The following SON variants were observed in gnomAD, a reference collection of about 807,000 sequenced individuals.
SON encodes the protein protein SON.
A neutral mutation model predicts 173.3 loss-of-function variants in SON; 4 were observed. The ratio of observed to expected loss-of-function variants is 0.02; its 90% CI spans 0.01 to 0.05. The LOEUF is 0.05. Among genes scored for constraint, SON ranks in the 10% least tolerant of loss-of-function variants. The pLI is 1.00. For synonymous variants in SON, 1,190 were observed against 1,105.9 expected, an observed-to-expected ratio of 1.08 and a Z score of -1.51; for missense variants, 2,626 against 3,055.3, an observed-to-expected ratio of 0.86 and a Z score of 3.31.
At position 33,550,039 on chromosome 21, in the gene SON, T is replaced by C; in HGVS notation, c.808T>C (p.Tyr270His). The change falls in exon 3 of 12, where the codon TAT (tyrosine) becomes CAT (histidine). Residue 270 changes from tyrosine to histidine, a missense_variant. Physicochemically the swap from Tyr to His is moderately conservative, Grantham distance 83. Coordinates refer to ENST00000356577, the MANE Select transcript of SON (RefSeq NM_138927.4). ...SEPVVTMSVE[Y>H]QMKSVLKSVE... ...GCCAGTTGTAACAATGTCAGTGGAGTATCAGATGAAGTCTGTGCTGAAATC... is the reference window on the plus strand; with the variant it reads ...GCCAGTTGTAACAATGTCAGTGGAGCATCAGATGAAGTCTGTGCTGAAATC... 1 of 1,614,090 alleles carries C rather than the reference T, an allele frequency of 6.2e-7. No individual in the cohort carries two copies. Among genetic ancestry groups the C allele is most frequent in the Admixed American group, 1.7e-5 (1 of 60,032 alleles).
At chr21:33,557,663 A>G in intron 4 of SON, 2 of 1,522,244 alleles carry the variant, frequency 1.3e-6, no homozygotes, top group Non-Finnish European at 1.8e-6. Context: ...GCGTTCACTG[A>G]TCGCCACGAG....
intron 6 of SON, chr21:33,560,617 T>C: frequency 1.1e-6 from 1 of 945,304 alleles, no homozygotes; most frequent in Non-Finnish European, 1.3e-6. Flanking sequence ...TATGTATCTC[T>C]GTATCTGTAC....
At chr21:33,561,040 A>C (rs1469784117) in intron 6 of SON, 3 of 152,200 alleles carry the variant, frequency 2.0e-5, no homozygotes, top group Admixed American at 2.0e-4. Context: ...TTCACAGCTG[A>C]CATTTTCACT....
chr21:33,561,215 A>C (rs1030336823), intron 6 of SON, among the ~76,000 whole-genome samples: 8 of 152,108 alleles, frequency 5.3e-5, no homozygotes, highest in African/African-American at 1.9e-4. Flanking sequence ...TAAGAGGGAG[A>C]TAGTTGGTTT....
intron 8 of SON, chr21:33,569,550 C>T (rs1601293611): frequency 2.5e-6 from 1 of 405,862 alleles, no homozygotes; most frequent in East Asian, 9.2e-5. Context: ...TATTCCTTTG[C>T]CCTCGCACCC....
chr21:33,559,187 A>C lies in SON; in HGVS notation c.6322-43A>C, dbSNP rs2086023751. On this transcript the variant is annotated intron_variant, in intron 4 of 11. Transcript: ENST00000356577. This position sits in a 1 kb window ranked among gnomAD's most constrained non-coding sequence, Gnocchi z 4.1. Reference sequence around the variant, plus strand: ...GATTCTAAGAAATTACATGTTCTACATAAAGCGTAAGATTTATCTTTTGTT... The same window carrying C: ...GATTCTAAGAAATTACATGTTCTACCTAAAGCGTAAGATTTATCTTTTGTT... 1 of 1,436,552 alleles carries C rather than the reference A, an allele frequency of 7.0e-7. No individual in the cohort carries two copies. The highest frequency in any genetic ancestry group is 1.5e-5 in the African/African-American group (1 of 68,762). The allele number at this position is 1,436,552 out of a possible 1,614,324, so 89.0% of individuals were successfully genotyped here.
rs2086027704 is a variant in SON, at chr21:33,559,394, T to C, written c.6468+18T>C. On this transcript the variant is annotated intron_variant, in intron 5 of 11. Coordinates refer to ENST00000356577, the MANE Select transcript of SON (RefSeq NM_138927.4). This position sits in a 1 kb window ranked among gnomAD's most constrained non-coding sequence, Gnocchi z 4.1. ...ATCTGAATGTGAGTATTAGTGCTTATGGATTGGTAAAACAGTGTAACTTGT... is the reference window on the plus strand; with the variant it reads ...ATCTGAATGTGAGTATTAGTGCTTACGGATTGGTAAAACAGTGTAACTTGT... 6.3e-7 allele frequency: 1 copy of C among 1,591,148 alleles called. No individual in the cohort carries two copies. The highest frequency in any genetic ancestry group is 8.5e-7 in the Non-Finnish European group (1 of 1,171,746).
intron 11 of SON, 82 bp from the exon 12 acceptor site, chr21:33,576,283 T>C (rs1199438050): frequency 1.3e-6 from 1 of 765,568 alleles, no homozygotes; most frequent in African/African-American, 1.7e-5. Context: ...GTAAATTATT[T>C]TTCTAGCATT....
At chr21:33,543,315 C>T (rs1172772339) in intron 1 of SON, 146 bp downstream of exon 1, 7 of 694,532 alleles carry the variant, frequency 1.0e-5, no homozygotes, top group East Asian at 8.2e-5. Flanking sequence ...TTTTCCGGGC[C>T]CCCCCCAACC....
Position 33,550,713 on chromosome 21 carries a change from G to T in SON, c.1482G>T (p.Gln494His), listed in dbSNP as rs1170937606. The T allele has an allele frequency of 6.2e-7, 1 of 1,614,170 alleles. No homozygotes were observed. The highest frequency in any genetic ancestry group is 1.1e-5 in the South Asian group (1 of 91,084). Residue 494 changes from glutamine to histidine, a missense_variant, in exon 3 of 12, where the codon CAG (glutamine) becomes CAT (histidine). By Grantham distance (24) the Gln-to-His change is conservative. Coordinates refer to ENST00000356577, the MANE Select transcript of SON (RefSeq NM_138927.4). ...LVTAAVELPE[Q>H]PAVTVAMELT... ...CAGCAGCAGTAGAGTTGCCAGAGCAGCCTGCGGTAACAGTAGCAATGGAGT... is the reference window on the plus strand; with the variant it reads ...CAGCAGCAGTAGAGTTGCCAGAGCATCCTGCGGTAACAGTAGCAATGGAGT...
chr21:33,545,677 T>C (rs1601251653), intron 1 of SON, among the ~76,000 whole-genome samples: 3 of 152,344 alleles, frequency 2.0e-5, no homozygotes, highest in Admixed American at 2.0e-4. Flanking sequence ...TATTTTCCTT[T>C]TTAAGTTCAG....
Position 33,552,325 on chromosome 21 carries a change from T to A in SON, c.3094T>A (p.Ser1032Thr), listed in dbSNP as rs57422087. The A allele has an allele frequency of 1.3e-4, 209 of 1,613,346 alleles. 1 individual carries two copies. In the African/African-American group the frequency reaches 2.7e-3, roughly 21 times the overall value. Residue 1032 changes from serine (S) to threonine (T), a missense_variant, in exon 3 of 12, where the codon TCT (serine) becomes ACT (threonine). By Grantham distance (58) the Ser-to-Thr change is moderately conservative. Around this residue, in one of 13 missense-constraint regions of SON, gnomAD observed 366 missense variants for 448.6 expected, o/e 0.82. Transcript: ENST00000356577. The surrounding 1 kb of genome is among the most constrained non-coding windows in gnomAD (Gnocchi z 5.6). The part of the protein sequence containing the change: ...RSMMSPMAER[S>T]MMSAYERSMM... ...TATGATGTCCCCTATGGCTGAACGC[T>A]CTATGATGTCAGCCTACGAGCGCTC...
At chr21:33,569,856 C>T in intron 8 of SON, 1 of 195,840 alleles carries the variant, frequency 5.1e-6, no homozygotes, top group South Asian at 6.5e-5. Flanking sequence ...ATTTGAGAAC[C>T]ACTAATTTCA....
In SON at chr21:33,559,564, T is replaced by C. The variant is rs1377439115; in HGVS notation, c.6469-23T>C. 2.5e-6 allele frequency: 4 copies of C among 1,594,216 alleles called. No homozygotes were observed. The South Asian group carries it at 4.5e-5, about 18-fold the overall frequency. On this transcript the variant is annotated intron_variant, in intron 5 of 11. Transcript: ENST00000356577. This position sits in a 1 kb window ranked among gnomAD's most constrained non-coding sequence, Gnocchi z 4.1. Reference sequence around the variant, plus strand: ...ATGTAGATATCATATTGAGCTTTAATTAAGAAACACTTTATTTTTTAGATT... The same window carrying C: ...ATGTAGATATCATATTGAGCTTTAACTAAGAAACACTTTATTTTTTAGATT...
chr21:33,559,804 C>T lies in SON; in HGVS notation c.6657+29C>T, dbSNP rs751407115. ...AGTAGGAGGAATATTATGTATTTTT[C>T]CTTTTTTATACCTGAATCTGCCATT... On this transcript the variant is annotated intron_variant, in intron 6 of 11. Transcript: ENST00000356577. This position sits in a 1 kb window ranked among gnomAD's most constrained non-coding sequence, Gnocchi z 4.1. 1 of 1,607,896 alleles carries T rather than the reference C, an allele frequency of 6.2e-7. No homozygotes were observed.
Position 33,559,444 on chromosome 21 carries a change from T to C in SON, c.6468+68T>C, listed in dbSNP as rs902095257. On this transcript the variant is annotated intron_variant, in intron 5 of 11. Transcript: ENST00000356577. This position sits in a 1 kb window ranked among gnomAD's most constrained non-coding sequence, Gnocchi z 4.1. ...TGGAACTATTTAAATAAAACCCAAA[T>C]CGAATTTAGTTTATTAATTTTTGTT... 2.0e-6 allele frequency: 3 copies of C among 1,508,500 alleles called. No homozygotes were observed. In the Admixed American group the frequency reaches 6.6e-5, roughly 33 times the overall value. The allele number at this position is 1,508,500 out of a possible 1,614,324, so 93.4% of individuals were successfully genotyped here.
chr21:33,576,223 TTC>T (rs869172475), intron 11 of SON, 140 bp from the exon 12 acceptor site: 1 of 468,766 alleles, frequency 2.1e-6, no homozygotes, highest in Admixed American at 4.7e-5. Context: ...GATTTGGTTC[TTC>T]GGGTTGAGAT....
Position 33,554,915 on chromosome 21 carries a change from C to T in SON, c.5684C>T (p.Pro1895Leu), listed in dbSNP as rs1004092511. 2.5e-5 allele frequency: 41 copies of T among 1,614,066 alleles called. No homozygotes were observed. Among genetic ancestry groups the T allele is most frequent in the Non-Finnish European group, 3.3e-5 (39 of 1,180,006 alleles). Residue 1895 changes from proline to leucine, a missense_variant, in exon 3 of 12, where the codon CCA (proline) becomes CTA (leucine). Physicochemically the swap from Pro to Leu is moderately conservative, Grantham distance 98 (BLOSUM62 -3). This residue lies in a region of SON where 1,006 missense variants were observed against 895.6 expected (regional missense o/e 1.12). Transcript: ENST00000356577. ...SVSKEKRKRS[P>L]KHRSKSRERK... is the part of the protein sequence containing the mutation. ...TCAAAAGAGAAGCGCAAAAGATCTC[C>T]AAAGCACAGATCCAAGTCTAGGGAA...
chr21:33,572,620 C>G, intron 8 of SON: 1 of 1,302,778 alleles, frequency 7.7e-7, no homozygotes. Context: ...ACTGCTGCTA[C>G]CGAGGCCTAG....
Sources: allele counts gnomAD v4.1 joint callset (sites outside exome capture counted in the v4.1 genomes callset), GRCh38; gene constraint gnomAD v4.1.1; regional missense constraint gnomAD v4.1.1; non-coding constraint Gnocchi (gnomAD v3.1); transcripts MANE v1.5; gene names NCBI Gene and HGNC (gene_info 2026-07-23, HGNC 2026-07-21).